RBM47: variants seen among roughly 807,000 people sequenced by gnomAD.
RBM47 encodes the protein RNA-binding protein 47.
In RBM47, 21 loss-of-function variants were observed where a neutral mutation model predicts 47.1. That is an observed-to-expected ratio of 0.45 (90% CI 0.32 to 0.64). RBM47 has a LOEUF of 0.64. Ranked by LOEUF, RBM47 falls within the 30% of genes least tolerant of loss-of-function variation. The probability of loss-of-function intolerance (pLI) is 0.05; values close to 1 mark genes in which losing one functional copy is unlikely to be tolerated. For missense variants in RBM47, 708 were observed against 870.9 expected (o/e 0.81, Z 2.35); for synonymous variants, 375 against 361.7 (o/e 1.04, Z -0.42).
At chr4:40,505,205 C>A (rs1422103892) in intron 2 of RBM47, among the ~76,000 whole-genome samples, 1 of 151,748 alleles carries the variant, frequency 6.6e-6, no homozygotes, top group Non-Finnish European at 1.5e-5. Context: ...AGAAAAAAAA[C>A]AGGCTGGGCA....
chr4:40,528,413 A>AC (rs1196796016), intron 2 of RBM47, among the ~76,000 whole-genome samples: 31 of 151,654 alleles, frequency 2.0e-4, no homozygotes, highest in African/African-American at 7.3e-4. Context: ...TTTAAAAAAA[A>AC]AACAACAAAA....
At chr4:40,581,549 G>A (rs1578006893) in intron 1 of RBM47, among the ~76,000 whole-genome samples, 1 of 151,402 alleles carries the variant, frequency 6.6e-6, no homozygotes, top group East Asian at 1.9e-4. Context: ...CATAGAGATG[G>A]TTTGTTTGGT....
chr4:40,479,997 G>A (rs1416025348), intron 2 of RBM47, among the ~76,000 whole-genome samples: 1 of 93,650 alleles, frequency 1.1e-5, no homozygotes, highest in Non-Finnish European at 2.1e-5. Context: ...TTTTTTTTGA[G>A]ACGGAGTCTT....
intron 1 of RBM47, among the ~76,000 whole-genome samples, chr4:40,611,533 T>C (rs1273326233): frequency 6.6e-6 from 1 of 150,656 alleles, no homozygotes; most frequent in African/African-American, 2.4e-5. Flanking sequence ...AGTTCGAGGC[T>C]AACATGGAGA....
chr4:40,526,085 C>A (rs1219283184), intron 2 of RBM47, among the ~76,000 whole-genome samples: 1 of 152,178 alleles, frequency 6.6e-6, no homozygotes, highest in Non-Finnish European at 1.5e-5. Flanking sequence ...CAGCTCTCCC[C>A]CTTCATGGGA....
chr4:40,568,996 T>G (rs1731393366), intron 1 of RBM47, among the ~76,000 whole-genome samples: 1 of 123,986 alleles, frequency 8.1e-6, no homozygotes, highest in South Asian at 2.4e-4. Flanking sequence ...GATAGATAGA[T>G]AGATAGATAG....
intron 1 of RBM47, among the ~76,000 whole-genome samples, chr4:40,556,034 CTTCTT>C (rs1730043335): frequency 6.9e-6 from 1 of 145,832 alleles, no homozygotes; most frequent in Non-Finnish European, 1.5e-5. Flanking sequence ...CTGAAAAGAT[CTTCTT>C]TTTTTTTTTT....
chr4:40,520,721 G>C (rs1012283284), intron 2 of RBM47, among the ~76,000 whole-genome samples: 1 of 152,180 alleles, frequency 6.6e-6, no homozygotes, highest in African/African-American at 2.4e-5. Context: ...TGTGACCTCA[G>C]AAACTGCTCA....
intron 6 of RBM47, among the ~76,000 whole-genome samples, chr4:40,432,241 C>T (rs1380801864): frequency 7.0e-6 from 1 of 142,554 alleles, no homozygotes; most frequent in Non-Finnish European, 1.5e-5. Context: ...CACACACACA[C>T]ACGGGGGTTA....
intron 3 of RBM47, among the ~76,000 whole-genome samples, chr4:40,446,342 A>G (rs1577652355): frequency 6.6e-6 from 1 of 152,118 alleles, no homozygotes; most frequent in East Asian, 1.9e-4. Flanking sequence ...TGGGAGTCTG[A>G]TTTTCATCAT....
chr4:40,477,659 G>T (rs1232991766), intron 2 of RBM47, among the ~76,000 whole-genome samples: 5 of 152,048 alleles, frequency 3.3e-5, no homozygotes, highest in African/African-American at 1.2e-4. Flanking sequence ...AATAACTTAG[G>T]CAAAAACATA....
At chr4:40,622,889 A>G (rs1017504683) in intron 1 of RBM47, among the ~76,000 whole-genome samples, 1 of 152,072 alleles carries the variant, frequency 6.6e-6, no homozygotes, top group African/African-American at 2.4e-5. Context: ...CTCAAAAAAT[A>G]AAAGAGTCAC....
At chr4:40,592,971 ATATATATATTTTTTTTTTTTTTT>A (rs1734360358) in intron 1 of RBM47, among the ~76,000 whole-genome samples, 6 of 22,790 alleles carry the variant, frequency 2.6e-4, no homozygotes, top group African/African-American at 1.3e-3. Flanking sequence ...ATATATATAT[ATATATATATTTTTTTTTTTTTTT>A]TTTTTTTTTT....
At position 40,437,860 on chromosome 4, in the gene RBM47, T is replaced by C. The variant is rs779690131; in HGVS notation, c.1034A>G (p.Tyr345Cys). ...GAAEAAQQPS[Y>C]VYSCDPYTLA... ...TGTGTAGGGGTCGCAGGAGTACACG[T>C]AGCTGGGCTGCTGCGCTGCCTCAGC... The change falls in exon 4 of 7, where the codon TAC becomes TGC. Residue 345 changes from tyrosine to cysteine, a missense_variant. Physicochemically the swap from Tyr to Cys is radical, Grantham distance 194 (BLOSUM62 -2). Transcript: ENST00000295971. 1.9e-6 allele frequency: 3 copies of C among 1,613,916 alleles called. No homozygotes were observed. In the African/African-American group the frequency reaches 4.0e-5, roughly 22 times the overall value.
Position 40,491,267 on chromosome 4 carries a change from G to A in RBM47, c.-154-24568C>T, listed in dbSNP as rs573935068. The stretch of plus-strand genomic sequence containing the variant: ...AAATTATGCTTTAATAACTGGATAC[G>A]CACAATGCAAAAGAATAGAGTTGGA... On this transcript the variant is annotated intron_variant, in intron 2 of 6. Coordinates refer to ENST00000295971, the MANE Select transcript of RBM47 (RefSeq NM_001098634.2). Among the ~76,000 whole-genome samples the A allele has an allele frequency of 3.0e-4, 45 of 152,202 alleles. No individual in the cohort carries two copies. In the Middle Eastern group the frequency reaches 0.01, roughly 35 times the overall value.
intron 2 of RBM47, among the ~76,000 whole-genome samples, chr4:40,532,579 G>C (rs1401237922): frequency 6.6e-6 from 1 of 151,922 alleles, no homozygotes; most frequent in Non-Finnish European, 1.5e-5. Context: ...CCAAAGTGCT[G>C]GGATTACAGG....
At chr4:40,581,357 G>A (rs529359911) in intron 1 of RBM47, among the ~76,000 whole-genome samples, 97 of 151,896 alleles carry the variant, frequency 6.4e-4, no homozygotes, top group Middle Eastern at 3.4e-3. Context: ...GGGAAGCAGC[G>A]GTTGCAGTGA....
intron 2 of RBM47, among the ~76,000 whole-genome samples, chr4:40,508,600 AG>A (rs1296822174): frequency 6.6e-6 from 1 of 152,252 alleles, no homozygotes; most frequent in Non-Finnish European, 1.5e-5. Context: ...CAGATACAAA[AG>A]AGTACATACT....
chr4:40,439,677 C>T (rs1210339611), intron 3 of RBM47, among the ~76,000 whole-genome samples: 1 of 152,208 alleles, frequency 6.6e-6, no homozygotes, highest in Non-Finnish European at 1.5e-5. Flanking sequence ...TTTCAGAGAA[C>T]TGTCACCTGC....
Sources: gnomAD v4.1 joint callset for allele counts (sites outside exome capture counted in the v4.1 genomes callset) on GRCh38, gnomAD v4.1.1 for gene constraint, MANE v1.5 for transcripts, NCBI Gene and HGNC (gene_info 2026-07-23, HGNC 2026-07-21) for gene names.